ACOT11: variants seen among roughly 807,000 people sequenced by gnomAD.
ACOT11 encodes acyl-CoA thioesterase 11.
A neutral mutation model predicts 77.5 loss-of-function variants in ACOT11; 69 were observed. That is an observed-to-expected ratio of 0.89 (90% CI 0.73 to 1.09). The LOEUF (loss-of-function observed/expected upper bound fraction) is 1.09. Ranked by LOEUF, ACOT11 falls within the 50% of genes least tolerant of loss-of-function variation. The probability of loss-of-function intolerance (pLI) is 0.00; values close to 1 mark genes in which losing one functional copy is unlikely to be tolerated. For missense variants in ACOT11, 766 were observed against 813.7 expected, an observed-to-expected ratio of 0.94 and a Z score of 0.71; for synonymous variants, 279 against 313.0, an observed-to-expected ratio of 0.89 and a Z score of 1.15.
At chr1:54,561,736 AC>A (rs571038107) in intron 1 of ACOT11, among the ~76,000 whole-genome samples, 6 of 57,452 alleles carry the variant, frequency 1.0e-4, no homozygotes, top group South Asian at 6.2e-4. Flanking sequence ...AGGGGGGCTG[AC>A]CCCCCCCACC....
At chr1:54,587,522 A>AAAAAG (rs1654546877) in intron 3 of ACOT11, among the ~76,000 whole-genome samples, 1 of 151,712 alleles carries the variant, frequency 6.6e-6, no homozygotes, top group South Asian at 2.1e-4. Flanking sequence ...CTCCATCTCA[A>AAAAAG]AAAAGAAAAA....
In ACOT11 at chr1:54,594,573, C is replaced by G; in HGVS notation, c.489C>G (p.Ile163Met). 6.2e-7 allele frequency: 1 copy of G among 1,613,658 alleles called. No homozygotes were observed. The highest frequency in any genetic ancestry group is 8.5e-7 in the Non-Finnish European group (1 of 1,179,780). Reference protein sequence around the residue: ...REITKVKLKQITPRTEEEKME... With the variant: ...REITKVKLKQMTPRTEEEKME... ...GCCGACAGGTGAAGCTGAAGCAGAT[C>G]ACGCCGCGGACAGAAGAGGAGAAGA... Residue 163 changes from isoleucine to methionine, a missense_variant, in exon 6 of 16, where the codon ATC (isoleucine) becomes ATG (methionine). Ile to Met is a conservative substitution (Grantham distance 10, BLOSUM62 1). Coordinates refer to ENST00000343744, the MANE Select transcript of ACOT11 (RefSeq NM_147161.4).
chr1:54,602,073 G>A (rs1000015136), intron 9 of ACOT11, among the ~76,000 whole-genome samples: 3 of 152,370 alleles, frequency 2.0e-5, no homozygotes, highest in East Asian at 1.9e-4. Flanking sequence ...CCTCGGGACT[G>A]GGAGCTGGGG....
intron 4 of ACOT11, among the ~76,000 whole-genome samples, chr1:54,593,270 T>A (rs994442956): frequency 1.3e-5 from 2 of 152,088 alleles, no homozygotes; most frequent in African/African-American, 4.8e-5. Flanking sequence ...TTCTTGATTT[T>A]TTATTTTATT....
chr1:54,607,241 C>A lies in ACOT11; in HGVS notation c.1478C>A (p.Ser493Ter), dbSNP rs776181783. The A allele has an allele frequency of 8.7e-6, 14 of 1,614,148 alleles. No individual in the cohort carries two copies. In the South Asian group the frequency reaches 1.5e-4, roughly 18 times the overall value. The change falls in exon 14 of 16, where the codon TCG becomes TAG. Residue 493 changes from serine to a stop codon, truncating the protein, a stop_gained. Coordinates refer to ENST00000343744, the MANE Select transcript of ACOT11 (RefSeq NM_147161.4). LOFTEE classifies it high-confidence loss of function. This position sits in a 1 kb window ranked among gnomAD's most constrained non-coding sequence, Gnocchi z 4.5. ...CCCCAGGACTTCGTGATCCTGGCCT[C>A]GAGGCGGAAGCCTTGTGACAATGGG... is the stretch of plus-strand genomic sequence containing the variant. ...TKPQDFVILA[S>*]RRKPCDNGDP...
intron 15 of ACOT11, chr1:54,623,608 C>A: frequency 1.9e-6 from 1 of 536,784 alleles, no homozygotes. Flanking sequence ...CACACCCTCC[C>A]AGGATCTTAA....
intron 1 of ACOT11, among the ~76,000 whole-genome samples, chr1:54,562,550 C>CCA (rs1378066205): frequency 2.8e-5 from 2 of 71,778 alleles, no homozygotes; most frequent in African/African-American, 2.0e-4. Flanking sequence ...GGCTGACCCA[C>CCA]CCCCCACCTC....
At chr1:54,550,285 T>TG (rs1218078867) in intron 1 of ACOT11, among the ~76,000 whole-genome samples, 2 of 152,156 alleles carry the variant, frequency 1.3e-5, no homozygotes, top group Non-Finnish European at 2.9e-5. Flanking sequence ...TTGTTGAGTC[T>TG]GGGGGTGGAG....
In ACOT11 at chr1:54,584,190, C is replaced by G. The variant is rs1465353617; in HGVS notation, c.34-465C>G. Among the ~76,000 whole-genome samples, 1 of 150,500 alleles carries G rather than the reference C, an allele frequency of 6.6e-6. No homozygotes were observed. Among genetic ancestry groups the G allele is most frequent in the African/African-American group, 2.5e-5 (1 of 39,904 alleles). ...GATGGAGGGAGCCCAAGAAAGGAGC[C>G]CTTTGGGGATGAAATCAGAGCGGCT... On this transcript the variant is annotated intron_variant, in intron 1 of 15. Coordinates refer to ENST00000343744, the MANE Select transcript of ACOT11 (RefSeq NM_147161.4). This position sits in a 1 kb window ranked among gnomAD's most constrained non-coding sequence, Gnocchi z 6.3.
rs373222698 is a variant in ACOT11 at position 54,584,623 on chromosome 1, TCTGTCCCCAC to T, written c.34-17_34-8del. 2,502 of 1,602,250 alleles carry T rather than the reference TCTGTCCCCAC, an allele frequency of 1.6e-3. 29 individuals are homozygous for T. The African/African-American group carries it at 0.029, about 19-fold the overall frequency. On this transcript the variant is annotated intron_variant, in intron 1 of 15. Transcript: ENST00000343744. The surrounding 1 kb of genome is among the most constrained non-coding windows in gnomAD (Gnocchi z 6.3). ...GGAGACCCTGCAGCAAGCAGACCTC[TCTGTCCCCAC>T]CTGTCCCCACCTGTACCCCAGGGCT...
rs554196966 is a variant in ACOT11, at chr1:54,630,749, G to T, written c.1645G>T (p.Val549Phe). Residue 549 changes from valine (V) to phenylalanine (F), a missense_variant, in exon 16 of 17, where the codon GTC becomes TTC. By Grantham distance (50) the Val-to-Phe change is conservative (BLOSUM62 -1). Coordinates refer to the ACOT11 transcript ENST00000371316. ...ATTCCTCTAGTGCTGCTGGGTTAGG[G>T]TCTCCCTGACTGAGCTGGTCTCGGC... 119 of 746,178 alleles carry T rather than the reference G, an allele frequency of 1.6e-4. 1 individual carries two copies. The South Asian group carries it at 1.6e-3, about 10-fold the overall frequency. The allele number at this position is 746,178 out of a possible 1,614,324, so 46.2% of individuals were successfully genotyped here. A position where few individuals can be genotyped will look rare whatever the true frequency, so the allele number is the denominator to read the frequency against.
chr1:54,578,082 T>C (rs1654176913), intron 1 of ACOT11, among the ~76,000 whole-genome samples: 1 of 152,162 alleles, frequency 6.6e-6, no homozygotes, highest in Admixed American at 6.5e-5. Flanking sequence ...AAGTCCTGTG[T>C]CAATAGTGCC....
intron 3 of ACOT11, among the ~76,000 whole-genome samples, chr1:54,589,450 T>C (rs1432778815): frequency 6.6e-6 from 1 of 152,052 alleles, no homozygotes; most frequent in African/African-American, 2.4e-5. Context: ...CTCATGAATT[T>C]GTTTTTATTT....
At chr1:54,554,745 AGAGG>A (rs1653202615) in intron 1 of ACOT11, among the ~76,000 whole-genome samples, 2 of 152,150 alleles carry the variant, frequency 1.3e-5, no homozygotes, top group African/African-American at 4.8e-5. Context: ...ACACGGGAGT[AGAGG>A]TATCTCTTCA....
chr1:54,621,180 C>T (rs576947647), intron 15 of ACOT11, among the ~76,000 whole-genome samples: 20 of 148,602 alleles, frequency 1.3e-4, no homozygotes, highest in African/African-American at 4.9e-4. Context: ...AAAAAACCTG[C>T]GCGCGGCGGC....
chr1:54,613,746 A>G (rs1644142553), downstream of ACOT11, among the ~76,000 whole-genome samples: 1 of 152,202 alleles, frequency 6.6e-6, no homozygotes, highest in African/African-American at 2.4e-5. Flanking sequence ...CCAGGAAGAC[A>G]GGTCATATTT....
intron 13 of ACOT11, 55 bp downstream of exon 13, chr1:54,605,264 G>A: frequency 6.3e-7 from 1 of 1,585,178 alleles, no homozygotes; most frequent in Non-Finnish European, 8.6e-7. Flanking sequence ...TGATGAGGGA[G>A]AGAGTGTCTC....
intron 1 of ACOT11, among the ~76,000 whole-genome samples, chr1:54,549,707 A>C (rs1026298930): frequency 3.0e-4 from 45 of 152,276 alleles, no homozygotes; most frequent in Middle Eastern, 3.4e-3. Context: ...CAGCACGGGG[A>C]CGGGTGTGGC....
At chr1:54,592,727 G>T in intron 4 of ACOT11, 121 bp downstream of exon 4, 1 of 995,836 alleles carries the variant, frequency 1.0e-6, no homozygotes. Context: ...TAGAGCAGCA[G>T]AGTTCTGTAA....
Sources: allele counts gnomAD v4.1 joint callset (sites outside exome capture counted in the v4.1 genomes callset), GRCh38; gene constraint gnomAD v4.1.1; non-coding constraint Gnocchi (gnomAD v3.1); transcripts MANE v1.5; gene names NCBI Gene and HGNC (gene_info 2026-07-23, HGNC 2026-07-21).